Variants in NCAM1 observed in about 807,000 individuals in gnomAD.
The protein encoded by NCAM1 is antigen recognized by monoclonal antibody 5.1H11.
NCAM1 carries 14 observed loss-of-function variants against 109.8 expected under a neutral mutation model. The observed-to-expected ratio is 0.13, with a 90% CI of 0.08 to 0.20. NCAM1 has a LOEUF of 0.20. NCAM1 is among the 10% of genes least tolerant of loss of function. The probability of loss-of-function intolerance (pLI) is 1.00; values close to 1 mark genes in which losing one functional copy is unlikely to be tolerated. For synonymous variants in NCAM1, 418 were observed against 442.9 expected (o/e 0.94, Z 0.70); for missense variants, 774 against 1,109.9 (o/e 0.70, Z 4.30).
At chr11:113,179,611 A>G (rs1555107649) in intron 1 of NCAM1, among the ~76,000 whole-genome samples, 1 of 152,146 alleles carries the variant, frequency 6.6e-6, no homozygotes, top group Non-Finnish European at 1.5e-5. Flanking sequence ...ATAAGTGAAC[A>G]CTGCCAGACT....
chr11:113,012,884 G>A (rs1952106406), intron 1 of NCAM1, among the ~76,000 whole-genome samples: 1 of 152,176 alleles, frequency 6.6e-6, no homozygotes, highest in South Asian at 2.1e-4. Flanking sequence ...GATTATATAT[G>A]AGACTCTCCT....
chr11:113,263,357 C>T, intron 17 of NCAM1: 1 of 996,142 alleles, frequency 1.0e-6, no homozygotes, highest in African/African-American at 1.7e-5. Flanking sequence ...CATTCTAACT[C>T]TGTGCTCCTT....
intron 1 of NCAM1, among the ~76,000 whole-genome samples, chr11:113,188,361 G>C (rs1426365442): frequency 3.0e-4 from 46 of 152,166 alleles, no homozygotes; most frequent in Admixed American, 3.0e-3. Flanking sequence ...ATCTATCTAA[G>C]AGCAGACAGA....
intron 1 of NCAM1, among the ~76,000 whole-genome samples, chr11:113,166,032 C>T (rs149048351): frequency 3.3e-5 from 5 of 151,918 alleles, no homozygotes; most frequent in East Asian, 3.9e-4. Flanking sequence ...GGGGTTTCAC[C>T]GTGTTAGCCA....
Position 113,233,416 on chromosome 11 carries a change from A to G in NCAM1, c.1693+99A>G, listed in dbSNP as rs1565517803. ...TGGGCATGTTCCTACAGAATCAGGA[A>G]CTGCACCTCCAGAATTAGGTCAAAG... On this transcript the variant is annotated intron_variant, in intron 13 of 19. Coordinates refer to ENST00000316851, the MANE Select transcript of NCAM1 (RefSeq NM_181351.5). The surrounding 1 kb of genome is among the most constrained non-coding windows in gnomAD (Gnocchi z 4.5). The G allele has an allele frequency of 7.8e-7, 1 of 1,285,066 alleles. No individual in the cohort carries two copies. The highest frequency in any genetic ancestry group is 1.5e-5 in the South Asian group (1 of 68,044). The allele number at this position is 1,285,066 out of a possible 1,614,324, so 79.6% of individuals were successfully genotyped here.
chr11:113,271,917 C>T (rs1403216851), intron 19 of NCAM1, 41 bp downstream of exon 19: 3 of 1,456,642 alleles, frequency 2.1e-6, no homozygotes, highest in Non-Finnish European at 9.3e-7. Flanking sequence ...TCCGTAGAGA[C>T]CCCCACACCC....
chr11:113,124,083 C>A (rs1555096597), intron 1 of NCAM1, among the ~76,000 whole-genome samples: 1 of 152,068 alleles, frequency 6.6e-6, no homozygotes. Context: ...TAGATAGTCA[C>A]CTTTCTCTTG....
intron 1 of NCAM1, among the ~76,000 whole-genome samples, chr11:113,135,847 T>C (rs1555099289): frequency 6.6e-6 from 1 of 152,148 alleles, no homozygotes; most frequent in Non-Finnish European, 1.5e-5. Context: ...TTTTCTGGCA[T>C]GTTATATGGG....
chr11:113,124,461 T>A (rs1040585567), intron 1 of NCAM1, among the ~76,000 whole-genome samples: 1 of 152,196 alleles, frequency 6.6e-6, no homozygotes, highest in Admixed American at 6.5e-5. Context: ...CTGACACTTT[T>A]AAATCCAGCC....
At chr11:113,135,856 G>A (rs1555099291) in intron 1 of NCAM1, among the ~76,000 whole-genome samples, 1 of 152,106 alleles carries the variant, frequency 6.6e-6, no homozygotes, top group East Asian at 1.9e-4. Context: ...ATGTTATATG[G>A]GTCTAGGGAG....
chr11:113,234,112 G>A (rs189779308), intron 13 of NCAM1, among the ~76,000 whole-genome samples: 35 of 151,914 alleles, frequency 2.3e-4, no homozygotes, highest in African/African-American at 6.8e-4. Flanking sequence ...TCAGCTTCTC[G>A]GGGGAGCCAG....
chr11:113,167,862 G>A (rs1184503431), intron 1 of NCAM1, among the ~76,000 whole-genome samples: 2 of 152,180 alleles, frequency 1.3e-5, no homozygotes, highest in Non-Finnish European at 2.9e-5. Flanking sequence ...CAAGCGAGAT[G>A]GCGGTTGGGC....
chr11:113,017,424 C>G (rs945759108), intron 1 of NCAM1, among the ~76,000 whole-genome samples: 1 of 152,008 alleles, frequency 6.6e-6, no homozygotes, highest in Non-Finnish European at 1.5e-5. Flanking sequence ...AAATAAGAAC[C>G]AGTAGAAATA....
intron 1 of NCAM1, among the ~76,000 whole-genome samples, chr11:113,170,173 A>G (rs782090058): frequency 6.6e-6 from 1 of 152,318 alleles, no homozygotes; most frequent in Non-Finnish European, 1.5e-5. Context: ...TTGTCCTTTC[A>G]TGGAAGAGCA....
At chr11:113,137,228 A>G (rs1444389643) in intron 1 of NCAM1, among the ~76,000 whole-genome samples, 2 of 152,212 alleles carry the variant, frequency 1.3e-5, no homozygotes, top group African/African-American at 4.8e-5. Flanking sequence ...CATGAGTAAA[A>G]TATAGAAATC....
At chr11:113,097,535 A>G (rs1355705792) in intron 1 of NCAM1, among the ~76,000 whole-genome samples, 1 of 151,804 alleles carries the variant, frequency 6.6e-6, no homozygotes, top group African/African-American at 2.4e-5. Context: ...GGTTACCTGT[A>G]GGATGACTGC....
intron 1 of NCAM1, among the ~76,000 whole-genome samples, chr11:112,986,187 C>A (rs1476795729): frequency 6.6e-6 from 1 of 151,876 alleles, no homozygotes; most frequent in East Asian, 1.9e-4. Flanking sequence ...TTTTGTCCTT[C>A]ATTCTTTTAA....
At chr11:112,993,941 A>G (rs1951529678) in intron 1 of NCAM1, among the ~76,000 whole-genome samples, 1 of 152,166 alleles carries the variant, frequency 6.6e-6, no homozygotes, top group African/African-American at 2.4e-5. Flanking sequence ...TTAAAGAGGA[A>G]TCCATGATTC....
At chr11:113,231,835 C>CA (rs782071951) in intron 10 of NCAM1, 40 bp downstream of exon 10, 5 of 1,611,292 alleles carry the variant, frequency 3.1e-6, no homozygotes, top group Non-Finnish European at 4.2e-6. Context: ...GAGGGAGGGG[C>CA]AAGGCAGGGT....
Sources: gnomAD v4.1 joint callset for allele counts (sites outside exome capture counted in the v4.1 genomes callset) on GRCh38, gnomAD v4.1.1 for gene constraint, Gnocchi (gnomAD v3.1) non-coding constraint, MANE v1.5 for transcripts, NCBI Gene and HGNC (gene_info 2026-07-23, HGNC 2026-07-21) for gene names.